GPC6: variants seen among roughly 807,000 people sequenced by gnomAD.
The protein encoded by GPC6 is glypican 6, also known as glypican-6.
A neutral mutation model predicts 55.2 loss-of-function variants in GPC6; 14 were observed. That is an observed-to-expected ratio of 0.25 (90% CI 0.17 to 0.40). The LOEUF is 0.40. Among genes scored for constraint, GPC6 ranks in the 10% least tolerant of loss-of-function variants. The pLI, the probability that GPC6 is intolerant of heterozygous loss-of-function variation, is 1.00. For synonymous variants in GPC6, 278 were observed against 259.6 expected, an observed-to-expected ratio of 1.07 and a Z score of -0.68; for missense variants, 641 against 708.5, an observed-to-expected ratio of 0.90 and a Z score of 1.08.
intron 1 of GPC6, among the ~76,000 whole-genome samples, chr13:93,411,355 A>G (rs911835801): frequency 6.6e-6 from 1 of 152,130 alleles, no homozygotes; most frequent in Non-Finnish European, 1.5e-5. Context: ...ACCTCCATTT[A>G]TTCCCAGCAA....
chr13:93,837,917 G>A (rs79713387), intron 3 of GPC6, among the ~76,000 whole-genome samples: 2 of 152,180 alleles, frequency 1.3e-5, no homozygotes, highest in Admixed American at 6.5e-5. Context: ...AATGATGTGT[G>A]CAGGGAGCTA....
At chr13:94,215,853 A>T in intron 4 of GPC6, among the ~76,000 whole-genome samples, 1 of 152,192 alleles carries the variant, frequency 6.6e-6, no homozygotes, top group Non-Finnish European at 1.5e-5. Flanking sequence ...TCTGGAAAAC[A>T]TCAAAAAGAA....
intron 4 of GPC6, among the ~76,000 whole-genome samples, chr13:94,083,817 C>T (rs1885191444): frequency 6.6e-6 from 1 of 152,210 alleles, no homozygotes; most frequent in Non-Finnish European, 1.5e-5. Context: ...TAACTGAGTC[C>T]TGTCCTCTTA....
intron 3 of GPC6, among the ~76,000 whole-genome samples, chr13:93,839,286 T>TA (rs1235660513): frequency 6.6e-6 from 1 of 152,138 alleles, no homozygotes; most frequent in Non-Finnish European, 1.5e-5. Context: ...AATAGGCTGT[T>TA]ACTGTTTTGC....
At chr13:93,527,179 A>C (rs1566405423) in intron 1 of GPC6, among the ~76,000 whole-genome samples, 2 of 152,270 alleles carry the variant, frequency 1.3e-5, no homozygotes, top group South Asian at 4.1e-4. Flanking sequence ...GCAGTCAAAC[A>C]AATTAACATA....
At chr13:94,038,028 A>C (rs1399414599) in intron 4 of GPC6, among the ~76,000 whole-genome samples, 2 of 151,950 alleles carry the variant, frequency 1.3e-5, no homozygotes, top group Non-Finnish European at 2.9e-5. Context: ...GCTGTTGAAC[A>C]CTTACAATGT....
At chr13:93,226,047 C>T (rs1353845830), upstream of GPC6, among the ~76,000 whole-genome samples, 1 of 152,140 alleles carries the variant, frequency 6.6e-6, no homozygotes, top group African/African-American at 2.4e-5. Flanking sequence ...GTTCACAGAA[C>T]ATCAGTGTAA....
chr13:94,153,033 G>A (rs142289405), intron 4 of GPC6, among the ~76,000 whole-genome samples: 91 of 152,022 alleles, frequency 6.0e-4, no homozygotes, highest in Non-Finnish European at 9.1e-4. Flanking sequence ...GGATTCTATG[G>A]GACCCTATGT....
At chr13:93,459,887 A>G (rs1254894496) in intron 1 of GPC6, among the ~76,000 whole-genome samples, 2 of 152,226 alleles carry the variant, frequency 1.3e-5, no homozygotes, top group African/African-American at 4.8e-5. Context: ...GGCATGTGGT[A>G]TCTAAAATTA....
intron 3 of GPC6, among the ~76,000 whole-genome samples, chr13:93,850,130 C>G (rs544393962): frequency 7.9e-5 from 12 of 152,112 alleles, no homozygotes; most frequent in Non-Finnish European, 1.6e-4. Context: ...AAACAAACCA[C>G]GCATGAAAAA....
At chr13:93,316,603 C>A (rs1048535512) in intron 1 of GPC6, among the ~76,000 whole-genome samples, 1 of 151,890 alleles carries the variant, frequency 6.6e-6, no homozygotes, top group Non-Finnish European at 1.5e-5. Context: ...GCTTTTAAAC[C>A]GAATAATTTC....
At chr13:93,860,165 T>A (rs575637941) in intron 3 of GPC6, among the ~76,000 whole-genome samples, 2 of 151,748 alleles carry the variant, frequency 1.3e-5, no homozygotes, top group South Asian at 4.1e-4. Context: ...AATCAAATTC[T>A]TTCTTCAGAG....
chr13:93,677,793 G>A (rs1464110176), intron 2 of GPC6, among the ~76,000 whole-genome samples: 1 of 152,118 alleles, frequency 6.6e-6, no homozygotes, highest in Non-Finnish European at 1.5e-5. Context: ...ACTGATTTTG[G>A]AGGTAAGATA....
At chr13:93,584,744 A>G (rs1877113571) in intron 2 of GPC6, among the ~76,000 whole-genome samples, 1 of 129,602 alleles carries the variant, frequency 7.7e-6, no homozygotes, top group Non-Finnish European at 1.5e-5. Context: ...GCTGGAGTGC[A>G]TTAGTGTGAT....
intron 1 of GPC6, among the ~76,000 whole-genome samples, chr13:93,523,552 A>G (rs1379870080): frequency 2.8e-5 from 4 of 141,896 alleles, no homozygotes; most frequent in Non-Finnish European, 6.3e-5. Context: ...ACCAACTATA[A>G]GTTACGCACT....
At chr13:93,216,614 C>G in the GPC6 span, among the ~76,000 whole-genome samples, 2 of 152,066 alleles carry the variant, frequency 1.3e-5, no homozygotes, top group Non-Finnish European at 2.9e-5. Context: ...CAGCCAGGGA[C>G]TGGACAAAAA....
chr13:93,470,401 G>A (rs1879066746), intron 1 of GPC6, among the ~76,000 whole-genome samples: 1 of 152,076 alleles, frequency 6.6e-6, no homozygotes, highest in African/African-American at 2.4e-5. Flanking sequence ...TTTTCGGACT[G>A]TTAATATAAT....
intron 6 of GPC6, among the ~76,000 whole-genome samples, chr13:94,344,124 C>T (rs1450904113): frequency 6.6e-6 from 1 of 152,154 alleles, no homozygotes; most frequent in Non-Finnish European, 1.5e-5. Context: ...GGTGTTCTCA[C>T]AACCAATAAT....
intron 4 of GPC6, among the ~76,000 whole-genome samples, chr13:94,280,836 G>A (rs1594127741): frequency 6.6e-6 from 1 of 152,080 alleles, no homozygotes; most frequent in Non-Finnish European, 1.5e-5. Flanking sequence ...CAATAAGGTA[G>A]ATTGTGCTTA....
Sources: gnomAD v4.1 joint callset for allele counts (sites outside exome capture counted in the v4.1 genomes callset) on GRCh38, gnomAD v4.1.1 for gene constraint, MANE v1.5 for transcripts, NCBI Gene and HGNC (gene_info 2026-07-23, HGNC 2026-07-21) for gene names.